Variants in FREM2 observed in about 807,000 individuals in gnomAD.
FREM2 encodes the protein FRAS1-related extracellular matrix protein 2.
A neutral mutation model predicts 219.9 loss-of-function variants in FREM2; 119 were observed. The ratio of observed to expected loss-of-function variants is 0.54; its 90% CI spans 0.47 to 0.63. The LOEUF is 0.63. Ranked by LOEUF, FREM2 falls within the 30% of genes least tolerant of loss-of-function variation. The pLI, the probability that FREM2 is intolerant of heterozygous loss-of-function variation, is 0.00. For synonymous variants in FREM2, 1,562 were observed against 1,522.8 expected, an observed-to-expected ratio of 1.03 and a Z score of -0.60; for missense variants, 4,030 against 3,993.6, an observed-to-expected ratio of 1.01 and a Z score of -0.25.
chr13:38,801,753 C>T (rs372021715), intron 6 of FREM2, among the ~76,000 whole-genome samples: 1 of 152,012 alleles, frequency 6.6e-6, no homozygotes. Flanking sequence ...TGTCTGTAGG[C>T]CCCAAGGTAG....
intron 2 of FREM2, among the ~76,000 whole-genome samples, chr13:38,751,165 G>A (rs976422627): frequency 2.0e-5 from 3 of 150,096 alleles, no homozygotes; most frequent in African/African-American, 7.4e-5. Context: ...ATACTCAGAA[G>A]TGGGATTGCT....
At chr13:38,837,768 T>TTTTTTTTG (rs745782991) in intron 6 of FREM2, among the ~76,000 whole-genome samples, 40 of 147,958 alleles carry the variant, frequency 2.7e-4, no homozygotes, top group Non-Finnish European at 4.4e-4. Context: ...ACCCCTGGTT[T>TTTTTTTTG]TTTTTTGTTT....
chr13:38,705,986 G>A (rs1413613802), intron 2 of FREM2, among the ~76,000 whole-genome samples: 1 of 152,108 alleles, frequency 6.6e-6, no homozygotes, highest in African/African-American at 2.4e-5. Flanking sequence ...TGCTACGGAG[G>A]CTTCCAAAGT....
intron 2 of FREM2, among the ~76,000 whole-genome samples, chr13:38,734,740 T>A (rs1871913110): frequency 7.6e-6 from 1 of 131,766 alleles, no homozygotes. Context: ...GTGCTATACT[T>A]TTTTTTTTTT....
intron 18 of FREM2, among the ~76,000 whole-genome samples, chr13:38,875,112 A>G (rs1878297318): frequency 6.6e-6 from 1 of 152,090 alleles, no homozygotes. Flanking sequence ...AATATCAACA[A>G]GGCAGCAGTC....
At chr13:38,725,230 G>T (rs1871467607) in intron 2 of FREM2, among the ~76,000 whole-genome samples, 1 of 152,152 alleles carries the variant, frequency 6.6e-6, no homozygotes. Flanking sequence ...GTCAAGTACA[G>T]TTCTAGGTGC....
At chr13:38,771,511 T>C (rs113284518) in intron 4 of FREM2, among the ~76,000 whole-genome samples, 1,859 of 152,232 alleles carry the variant, frequency 0.012, 42 homozygotes, top group African/African-American at 0.043. Context: ...ACCCATGATA[T>C]ATCTAAGCAG....
At chr13:38,695,502 T>C (rs1166583612) in intron 1 of FREM2, among the ~76,000 whole-genome samples, 1 of 152,200 alleles carries the variant, frequency 6.6e-6, no homozygotes, top group Non-Finnish European at 1.5e-5. Context: ...CCTTAACGAT[T>C]ACAATTTCGC....
chr13:38,693,069 G>A (rs1348944444), intron 1 of FREM2, among the ~76,000 whole-genome samples: 2 of 152,090 alleles, frequency 1.3e-5, no homozygotes, highest in Non-Finnish European at 2.9e-5. Flanking sequence ...TTACTTTGTT[G>A]ATTTTTAAAA....
intron 6 of FREM2, among the ~76,000 whole-genome samples, chr13:38,804,186 T>C (rs943522507): frequency 6.6e-6 from 1 of 151,924 alleles, no homozygotes; most frequent in Non-Finnish European, 1.5e-5. Flanking sequence ...ATTAATGCAA[T>C]GTAGCCATTG....
rs1869927459 is a variant in FREM2, at chr13:38,692,379, A to C, written c.5035A>C (p.Ile1679Leu). ...TLATGHLGFM[I>L]TSKILKVEDR... ...AGCCACTGGCCACTTGGGGTTCATG[A>C]TCACAAGCAAAATATTGAAAGTGGA... The change falls in exon 1 of 24, where the codon ATC (isoleucine) becomes CTC (leucine). Residue 1679 changes from isoleucine (I) to leucine (L), a missense_variant. Physicochemically the swap from Ile to Leu is conservative, Grantham distance 5 (BLOSUM62 2). Around this residue, in one of 2 missense-constraint regions of FREM2, gnomAD observed 3,102 missense variants for 2,950.7 expected, o/e 1.05. Coordinates refer to ENST00000280481, the MANE Select transcript of FREM2 (RefSeq NM_207361.6). The C allele has an allele frequency of 3.7e-6, 6 of 1,608,620 alleles. No homozygotes were observed. In the Admixed American group the frequency reaches 5.0e-5, roughly 14 times the overall value.
Position 38,859,322 on chromosome 13 carries a change from A to G in FREM2, c.7251A>G (p.Thr2417=). The change falls in exon 14 of 24, where the codon ACA becomes ACG. Residue 2417 remains threonine (T), a synonymous_variant. Coordinates refer to ENST00000280481, the MANE Select transcript of FREM2 (RefSeq NM_207361.6). ...CNPKYSDYDK[T]GSICASENIN... is the part of the protein sequence containing the mutation. ...CCAAATATTCAGACTACGATAAAAC[A>G]GGCTCTATCTGTGCAAGTGAGAACA... 1.2e-6 allele frequency: 2 copies of G among 1,614,210 alleles called. No individual in the cohort carries two copies. The highest frequency in any genetic ancestry group is 1.7e-6 in the Non-Finnish European group (2 of 1,180,026).
intron 8 of FREM2, among the ~76,000 whole-genome samples, chr13:38,849,178 C>A (rs1241512629): frequency 6.6e-6 from 1 of 152,082 alleles, no homozygotes; most frequent in Non-Finnish European, 1.5e-5. Flanking sequence ...ATACAAATAC[C>A]CTAGCTGACC....
intron 16 of FREM2, among the ~76,000 whole-genome samples, chr13:38,865,191 CTT>C (rs1397800200): frequency 6.6e-6 from 1 of 152,014 alleles, no homozygotes; most frequent in Admixed American, 6.6e-5. Context: ...TTTATTAAAA[CTT>C]ATTGTTATTT....
intron 6 of FREM2, among the ~76,000 whole-genome samples, chr13:38,842,022 G>A (rs6563640): frequency 0.12 from 18,167 of 152,118 alleles, 2,521 homozygotes; most frequent in African/African-American, 0.34. Context: ...TCTCAACAGA[G>A]GCCTGGAAGA....
intron 2 of FREM2, among the ~76,000 whole-genome samples, chr13:38,759,462 A>C (rs1873144867): frequency 6.6e-6 from 1 of 151,974 alleles, no homozygotes; most frequent in Non-Finnish European, 1.5e-5. Context: ...AAAAAAAAAA[A>C]AAACGACTGA....
At chr13:38,773,458 A>G (rs118032489) in intron 4 of FREM2, among the ~76,000 whole-genome samples, 9,456 of 152,152 alleles carry the variant, frequency 0.062, 413 homozygotes, top group Non-Finnish European at 0.096. Context: ...TGGAGCTATC[A>G]TAGCTTGCTG....
chr13:38,750,008 A>T (rs1872671761), intron 2 of FREM2, among the ~76,000 whole-genome samples: 1 of 152,156 alleles, frequency 6.6e-6, no homozygotes, highest in South Asian at 2.1e-4. Context: ...TTTCTTCCTA[A>T]GTTGAAAGAG....
At chr13:38,761,810 T>C (rs918953240) in intron 2 of FREM2, among the ~76,000 whole-genome samples, 66 of 151,962 alleles carry the variant, frequency 4.3e-4, no homozygotes, top group African/African-American at 1.3e-3. Context: ...ACAAGGGTGA[T>C]GGAAAGAGTG....
Sources: gnomAD v4.1 joint callset for allele counts (sites outside exome capture counted in the v4.1 genomes callset) on GRCh38, gnomAD v4.1.1 for gene constraint, gnomAD v4.1.1 regional missense constraint, MANE v1.5 for transcripts, NCBI Gene and HGNC (gene_info 2026-07-23, HGNC 2026-07-21) for gene names.